Variants in PSTPIP1 observed in about 807,000 individuals in gnomAD.
PSTPIP1 encodes the protein proline-serine-threonine phosphatase interacting protein 1, also known as proline-serine-threonine phosphatase-interacting protein 1.
In PSTPIP1, 66 loss-of-function variants were observed where a neutral mutation model predicts 69.6. The ratio of observed to expected loss-of-function variants is 0.95; its 90% CI spans 0.78 to 1.16. The LOEUF is 1.16. Ranked by LOEUF, PSTPIP1 falls within the 50% of genes most tolerant of loss-of-function variation. PSTPIP1 has a pLI of 0.00. For missense variants in PSTPIP1, 603 were observed against 557.4 expected (o/e 1.08, Z -0.82); for synonymous variants, 266 against 222.7 (o/e 1.19, Z -1.73).
chr15:77,032,760 T>TGGGCCA (rs2076451981), intron 11 of PSTPIP1, 102 bp from the exon 12 acceptor site: 1 of 1,012,592 alleles, frequency 9.9e-7, no homozygotes, highest in Non-Finnish European at 1.5e-6. Flanking sequence ...GGCACCAGGA[T>TGGGCCA]GGGCCAGGGC....
chr15:77,008,066 G>A lies in PSTPIP1; in HGVS notation c.37-10082G>A, dbSNP rs372008774. The A allele has an allele frequency of 1.2e-4, 53 of 456,488 alleles. No individual in the cohort carries two copies. The East Asian group carries it at 3.6e-3, about 31-fold the overall frequency. 28.3% of individuals were successfully genotyped at this position (456,488 alleles called of 1,614,324 possible). A position where few individuals can be genotyped will look rare whatever the true frequency, so the allele number is the denominator to read the frequency against. On this transcript the variant is annotated intron_variant, in intron 1 of 14. Coordinates refer to ENST00000558012, the MANE Select transcript of PSTPIP1 (RefSeq NM_003978.5). ...CCCAGAACAGCTGAGGATGGTTCAGGCAAGCAGAGCTGGGGGTGGAGGGCG... is the reference window on the plus strand; with the variant it reads ...CCCAGAACAGCTGAGGATGGTTCAGACAAGCAGAGCTGGGGGTGGAGGGCG...
chr15:77,021,615 G>T (rs562415753), intron 3 of PSTPIP1, among the ~76,000 whole-genome samples: 1 of 152,286 alleles, frequency 6.6e-6, no homozygotes, highest in East Asian at 1.9e-4. Flanking sequence ...GGAGACGGAG[G>T]TTGCAGTGAG....
intron 13 of PSTPIP1, 36 bp from the exon 14 acceptor site, chr15:77,035,766 A>AG: frequency 1.5e-6 from 2 of 1,305,628 alleles, no homozygotes; most frequent in Non-Finnish European, 1.0e-6. Context: ...CAGTGTCCCC[A>AG]GAAGGGGAGG....
intron 2 of PSTPIP1, 56 bp downstream of exon 2, chr15:77,018,304 C>G: frequency 3.2e-6 from 5 of 1,543,116 alleles, no homozygotes; most frequent in Non-Finnish European, 4.4e-6. Flanking sequence ...GGCTTCCGCT[C>G]GGCTCCTGGG....
At chr15:77,007,626 G>C (rs575117315) in intron 1 of PSTPIP1, among the ~76,000 whole-genome samples, 54 of 147,768 alleles carry the variant, frequency 3.7e-4, no homozygotes, top group African/African-American at 1.3e-3. Context: ...ATGGACTCTC[G>C]CTCTGCTGCC....
At chr15:77,018,360 C>T in intron 2 of PSTPIP1, 97 bp from the exon 3 acceptor site, 1 of 1,535,142 alleles carries the variant, frequency 6.5e-7, no homozygotes, top group Admixed American at 2.0e-5. Flanking sequence ...TCAGAACACG[C>T]CCTGCTTTAA....
chr15:77,018,964 AC>A (rs2076109214), intron 3 of PSTPIP1, among the ~76,000 whole-genome samples: 1 of 151,904 alleles, frequency 6.6e-6, no homozygotes, highest in African/African-American at 2.4e-5. Context: ...TCAGCTCCTC[AC>A]CCCCCAGCTG....
intron 3 of PSTPIP1, among the ~76,000 whole-genome samples, chr15:77,018,996 T>C (rs2076110001): frequency 6.6e-6 from 1 of 152,216 alleles, no homozygotes; most frequent in South Asian, 2.1e-4. Context: ...GGCTGGCTGC[T>C]GACACACTCT....
Position 77,029,596 on chromosome 15 carries a change from G to A in PSTPIP1, c.562+22G>A, listed in dbSNP as rs767276899. The A allele has an allele frequency of 1.4e-5, 22 of 1,563,434 alleles. No homozygotes were observed. In the Middle Eastern group the frequency reaches 5.0e-4, roughly 36 times the overall value. On this transcript the variant is annotated intron_variant, in intron 8 of 14. Transcript: ENST00000558012. ...GCAGGTATGTGGGCCTGGCTGCCCC[G>A]TCCGACCAGGGCGGAGGCCTGGGCG...
At chr15:77,036,759 G>A (rs909864647) in intron 14 of PSTPIP1, among the ~76,000 whole-genome samples, 1 of 152,114 alleles carries the variant, frequency 6.6e-6, no homozygotes, top group South Asian at 2.1e-4. Context: ...GGTATGATGA[G>A]CACCCGTGAC....
At chr15:77,015,511 G>T (rs374876117) in intron 1 of PSTPIP1, among the ~76,000 whole-genome samples, 68 of 152,316 alleles carry the variant, frequency 4.5e-4, no homozygotes, top group African/African-American at 1.5e-3. Flanking sequence ...GATGACAGAG[G>T]TTGGACAGGA....
chr15:77,005,176 G>A (rs992749298), intron 1 of PSTPIP1, among the ~76,000 whole-genome samples: 7 of 152,118 alleles, frequency 4.6e-5, no homozygotes, highest in Admixed American at 3.9e-4. Context: ...CTGAGGTCGG[G>A]AGTTCAAGAC....
At chr15:77,020,868 T>TG (rs201125747) in intron 3 of PSTPIP1, among the ~76,000 whole-genome samples, 73 of 115,526 alleles carry the variant, frequency 6.3e-4, no homozygotes, top group South Asian at 2.5e-3. Flanking sequence ...TAGACTCCTG[T>TG]GGGGGGGGGG....
In PSTPIP1 at chr15:77,036,429, T is replaced by G. The variant is rs553226091; in HGVS notation, c.1119+494T>G. On this transcript the variant is annotated intron_variant, in intron 14 of 14. Transcript: ENST00000558012. ...GTGGCCAGAATGAGTCTTGCTATCGTGCCAGGATTGATTTTCTGATGTCCA... is the reference window on the plus strand; with the variant it reads ...GTGGCCAGAATGAGTCTTGCTATCGGGCCAGGATTGATTTTCTGATGTCCA... Among the ~76,000 whole-genome samples the G allele has an allele frequency of 6.6e-5, 10 of 152,240 alleles. No individual in the cohort carries two copies. In the East Asian group the frequency reaches 1.9e-3, roughly 29 times the overall value.
chr15:77,026,255 G>T (rs761534314), intron 5 of PSTPIP1: 55 of 453,838 alleles, frequency 1.2e-4, no homozygotes, highest in Non-Finnish European at 2.2e-4. Context: ...GGGCAGGCAG[G>T]ACGCAGACTG....
At chr15:77,014,558 G>A (rs2076012276) in intron 1 of PSTPIP1, among the ~76,000 whole-genome samples, 1 of 152,214 alleles carries the variant, frequency 6.6e-6, no homozygotes, top group South Asian at 2.1e-4. Flanking sequence ...CTTTCCCAAT[G>A]AGGAAACCAG....
chr15:77,031,546 C>T (rs1596124513), intron 10 of PSTPIP1: 2 of 350,330 alleles, frequency 5.7e-6, no homozygotes, highest in East Asian at 6.5e-5. Context: ...CCACAGAGCA[C>T]CTGCCCCCTC....
chr15:77,001,599 A>C (rs1050732991), intron 1 of PSTPIP1, among the ~76,000 whole-genome samples: 13 of 152,238 alleles, frequency 8.5e-5, no homozygotes, highest in Non-Finnish European at 1.6e-4. Flanking sequence ...CTTTGCTGCC[A>C]CCAAGTACCT....
At chr15:77,005,200 A>G (rs1034022609) in intron 1 of PSTPIP1, among the ~76,000 whole-genome samples, 3 of 152,228 alleles carry the variant, frequency 2.0e-5, no homozygotes, top group South Asian at 2.1e-4. Context: ...CCTGGCCAAC[A>G]TGGTGAAACC....
Sources: gnomAD v4.1 joint callset for allele counts (sites outside exome capture counted in the v4.1 genomes callset) on GRCh38, gnomAD v4.1.1 for gene constraint, MANE v1.5 for transcripts, NCBI Gene and HGNC (gene_info 2026-07-23, HGNC 2026-07-21) for gene names.